Variants in ADCY4 observed in about 807,000 individuals in gnomAD.
ADCY4 encodes the protein adenylate cyclase 4.
In ADCY4, 111 loss-of-function variants were observed where a neutral mutation model predicts 125.5. The ratio of observed to expected loss-of-function variants is 0.88; its 90% CI spans 0.76 to 1.04. The LOEUF is 1.04. Ranked by LOEUF, ADCY4 falls within the 50% of genes least tolerant of loss-of-function variation. The pLI is 0.00. For missense variants in ADCY4, 1,256 were observed against 1,382.9 expected (o/e 0.91, Z 1.46); for synonymous variants, 576 against 586.9 (o/e 0.98, Z 0.27).
In ADCY4 at chr14:24,322,713, AG is replaced by A; in HGVS notation, c.2343-6del. The A allele has an allele frequency of 6.2e-7, 1 of 1,613,700 alleles. No individual in the cohort carries two copies. The highest frequency in any genetic ancestry group is 1.1e-5 in the South Asian group (1 of 91,002). On this transcript the variant is annotated splice_region_variant and splice_polypyrimidine_tract_variant and intron_variant, in intron 18 of 24. Transcript: ENST00000418030. Reference sequence around the variant, plus strand: ...GGCTCCTTCAGCACTCCGGGCCTGAAGGGGCCATGGATCAGGGTGACCCCTT... The same window carrying A: ...GGCTCCTTCAGCACTCCGGGCCTGAAGGGCCATGGATCAGGGTGACCCCTT...
At chr14:24,330,050 C>A in intron 7 of ADCY4, 32 bp from the exon 8 acceptor site, 1 of 1,604,168 alleles carries the variant, frequency 6.2e-7, no homozygotes, top group Non-Finnish European at 8.5e-7. Context: ...CAATCTGAGT[C>A]CTACCCTCAG....
intron 9 of ADCY4, 35 bp from the exon 10 acceptor site, chr14:24,329,269 G>A: frequency 6.2e-7 from 1 of 1,607,032 alleles, no homozygotes; most frequent in Non-Finnish European, 8.5e-7. Context: ...AAAGACCACA[G>A]ACACTTCCTC....
chr14:24,326,550 C>A, intron 10 of ADCY4: 1 of 601,646 alleles, frequency 1.7e-6, no homozygotes, highest in Non-Finnish European at 3.0e-6. Flanking sequence ...TTCCCCCTGA[C>A]TCTCTAGACT....
intron 23 of ADCY4, 77 bp from the exon 24 acceptor site, chr14:24,318,855 G>A: frequency 1.3e-6 from 2 of 1,595,820 alleles, no homozygotes; most frequent in South Asian, 2.2e-5. Flanking sequence ...GGAAGGAAGG[G>A]AGAAGAGCCT....
chr14:24,324,203 T>C lies in ADCY4; in HGVS notation c.1909-4A>G, dbSNP rs1189052089. ...TGGGGCCTTTCAGGACACACCTCTG[T>C]GGAGGGAGCATGGGCATCTTAGCCA... On this transcript the variant is annotated splice_region_variant and splice_polypyrimidine_tract_variant and intron_variant, in intron 15 of 24. Coordinates refer to ENST00000418030, the MANE Select transcript of ADCY4 (RefSeq NM_001198568.2). 6.2e-7 allele frequency: 1 copy of C among 1,614,190 alleles called. No individual in the cohort carries two copies.
intron 12 of ADCY4, 60 bp from the exon 13 acceptor site, chr14:24,325,947 G>T: frequency 6.3e-7 from 1 of 1,580,994 alleles, no homozygotes; most frequent in African/African-American, 1.3e-5. Context: ...AGAAGGGCAG[G>T]AAGAGGGCAG....
intron 1 of ADCY4, 69 bp downstream of exon 1, chr14:24,334,425 A>AC: frequency 6.8e-7 from 1 of 1,468,224 alleles, no homozygotes; most frequent in Non-Finnish European, 9.0e-7. Flanking sequence ...CGAAAAGAAG[A>AC]CCCCACAAAC....
Position 24,326,151 on chromosome 14 carries a change from C to A in ADCY4, c.1583G>T (p.Arg528Leu). The A allele has an allele frequency of 6.3e-7, 1 of 1,595,590 alleles. No individual in the cohort carries two copies. The highest frequency in any genetic ancestry group is 1.3e-5 in the African/African-American group (1 of 74,478). The change falls in exon 12 of 25, where the codon CGG (arginine) becomes CTG (leucine). Residue 528 changes from arginine (R) to leucine (L), a missense_variant. Arg to Leu is a moderately radical substitution (Grantham distance 102). Transcript: ENST00000418030. ...GGTGTCCAGTTCATCATCTAGTCCCCGGGGGGTACGGCTCCTGCACAGTGA... is the reference window on the plus strand; with the variant it reads ...GGTGTCCAGTTCATCATCTAGTCCCAGGGGGGTACGGCTCCTGCACAGTGA... ...QWSLDRSRTP[R>L]GLDDELDTGD...
chr14:24,332,236 A>C (rs570827377), intron 3 of ADCY4: 30 of 445,616 alleles, frequency 6.7e-5, no homozygotes, highest in African/African-American at 6.1e-4. Flanking sequence ...ATCGCACAAA[A>C]CTTTTTTTTT....
At chr14:24,323,725 C>T in intron 16 of ADCY4, 1 of 910,972 alleles carries the variant, frequency 1.1e-6, no homozygotes, top group Non-Finnish European at 1.3e-6. Context: ...GTTTCTTCTT[C>T]TGTAACTTGG....
intron 5 of ADCY4, 23 bp from the exon 6 acceptor site, chr14:24,331,152 G>A (rs770905383): frequency 6.2e-7 from 1 of 1,612,884 alleles, no homozygotes; most frequent in Non-Finnish European, 8.5e-7. Context: ...GACTGTGTCA[G>A]CAGGGCCAGG....
At chr14:24,329,824 CCTT>C in intron 8 of ADCY4, 33 bp downstream of exon 8, 1 of 1,597,088 alleles carries the variant, frequency 6.3e-7, no homozygotes, top group African/African-American at 1.3e-5. Flanking sequence ...GCCTGGTTGG[CCTT>C]CTGCTGTAGC....
chr14:24,333,708 C>G (rs907754746), intron 1 of ADCY4, among the ~76,000 whole-genome samples: 1 of 152,256 alleles, frequency 6.6e-6, no homozygotes, highest in Non-Finnish European at 1.5e-5. Flanking sequence ...GTCTCCAAAT[C>G]TGGCCAATTT....
rs1447633729 is a variant in ADCY4, at chr14:24,318,458, T to C, written c.3192A>G (p.Thr1064=). 6.2e-7 allele frequency: 1 copy of C among 1,614,194 alleles called. No homozygotes were observed. Among genetic ancestry groups the C allele is most frequent in the Non-Finnish European group, 8.5e-7 (1 of 1,180,008 alleles). ...AAGGAGGTCCAGTTCGTGTCAAGTC[T>C]GTGTTCAGGAAGTAGGTGCAGAGCT... ...KGQLCTYFLN[T]DLTRTGPPSA... Residue 1064 remains threonine, a synonymous_variant, in exon 25 of 25, where the codon ACA becomes ACG. Coordinates refer to ENST00000418030, the MANE Select transcript of ADCY4 (RefSeq NM_001198568.2).
chr14:24,326,696 C>T (rs2041951760), intron 10 of ADCY4, among the ~76,000 whole-genome samples: 2 of 151,500 alleles, frequency 1.3e-5, no homozygotes, highest in Admixed American at 6.6e-5. Context: ...CAGGTTCAAC[C>T]GATTTTCCTG....
chr14:24,331,593 A>G, intron 4 of ADCY4, 195 bp downstream of exon 4: 1 of 951,672 alleles, frequency 1.1e-6, no homozygotes, highest in South Asian at 1.8e-5. Flanking sequence ...ATAATGCTCT[A>G]AAGTGCTTTT....
Position 24,318,587 on chromosome 14 carries a change from G to A in ADCY4, c.3082-19C>T, listed in dbSNP as rs1022671396. ...CAGTCACCTACAATTGGAGGGGGGC[G>A]AGGGAATATGGAGGTGGCCCTATTC... On this transcript the variant is annotated intron_variant, in intron 24 of 24. Coordinates refer to ENST00000418030, the MANE Select transcript of ADCY4 (RefSeq NM_001198568.2). 1.9e-6 allele frequency: 3 copies of A among 1,614,096 alleles called. No individual in the cohort carries two copies. The highest frequency in any genetic ancestry group is 8.5e-7 in the Non-Finnish European group (1 of 1,179,996).
chr14:24,322,598 T>C (rs913129878), intron 19 of ADCY4, 26 bp downstream of exon 19: 18 of 1,612,184 alleles, frequency 1.1e-5, no homozygotes, highest in Non-Finnish European at 1.4e-5. Flanking sequence ...AGGTGGGCCC[T>C]GGTGGGGCTG....
In ADCY4 at chr14:24,318,766, C is replaced by A; in HGVS notation, c.2969G>T (p.Gly990Val). Reference protein sequence around the residue: ...NFRLRVGLNHGPVVAGVIGAQ... With the variant: ...NFRLRVGLNHVPVVAGVIGAQ... ...CCCAATAACTCCAGCTACTACGGGT[C>A]CATGGTTCAACCCTAATGAGGGATG... The change falls in exon 24 of 25, where the codon GGA (glycine) becomes GTA (valine). Residue 990 changes from glycine to valine, a missense_variant. Transcript: ENST00000418030. 1 of 1,614,022 alleles carries A rather than the reference C, an allele frequency of 6.2e-7. No individual in the cohort carries two copies. The highest frequency in any genetic ancestry group is 1.7e-5 in the Admixed American group (1 of 60,010).
Sources: gnomAD v4.1 joint callset for allele counts (sites outside exome capture counted in the v4.1 genomes callset) on GRCh38, gnomAD v4.1.1 for gene constraint, MANE v1.5 for transcripts, NCBI Gene and HGNC (gene_info 2026-07-23, HGNC 2026-07-21) for gene names.